AFF2: variants seen among roughly 807,000 people sequenced by gnomAD.
AFF2 encodes ALF transcription elongation factor 2.
AFF2 carries 14 observed loss-of-function variants against 76.9 expected under a neutral mutation model. The observed-to-expected ratio is 0.18, with a 90% CI of 0.12 to 0.28. AFF2 has a LOEUF of 0.28. Among genes scored for constraint, AFF2 ranks in the 10% least tolerant of loss-of-function variants. AFF2 has a pLI of 1.00. For synonymous variants in AFF2, 398 were observed against 366.7 expected (o/e 1.09, Z -0.98); for missense variants, 868 against 1,001.1 (o/e 0.87, Z 1.79).
intron 3 of AFF2, among the ~76,000 whole-genome samples, chrX:148,796,631 C>G (rs1352845050): frequency 4.5e-5 from 5 of 112,066 alleles, no homozygotes; most frequent in African/African-American, 1.6e-4. Flanking sequence ...ACCTTTGAGG[C>G]TGTGGGTTGG....
intron 18 of AFF2, 135 bp from the exon 19 acceptor site, chrX:148,980,603 A>C: frequency 2.4e-6 from 1 of 417,698 alleles, no homozygotes; most frequent in Non-Finnish European, 4.2e-6. Flanking sequence ...TGACGTGCAC[A>C]TACATCCCAG....
In AFF2 at chrX:148,998,520, G is replaced by C. The variant is rs1455916757; in HGVS notation, c.*7188G>C. ...AAATATTAGTCTGTTGAATTCATTT[G>C]TCCAATTGTATAACTTTGTGGAGCA... On this transcript the variant is annotated 3_prime_UTR_variant, in exon 21 of 21. Transcript: ENST00000370460. The C allele has an allele frequency of 8.9e-6, 1 of 111,963 alleles. No individual in the cohort carries two copies. Among genetic ancestry groups the C allele is most frequent in the Non-Finnish European group, 1.9e-5 (1 of 53,135 alleles). 9.2% of individuals were successfully genotyped at this position (111,963 alleles called of 1,213,427 possible).
Position 148,999,945 on chromosome X carries a change from G to A in AFF2, c.*8613G>A, listed in dbSNP as rs2072656637. ...AACTGGAGAACATGAGCTGAGTTGA[G>A]CCCTCAGTGTTGAAGTTGACTTGCT... On this transcript the variant is annotated 3_prime_UTR_variant, in exon 21 of 21. Transcript: ENST00000370460. 1 of 111,562 alleles carries A rather than the reference G, an allele frequency of 9.0e-6. No individual in the cohort carries two copies. 9.2% of individuals were successfully genotyped at this position (111,562 alleles called of 1,213,427 possible).
intron 4 of AFF2, among the ~76,000 whole-genome samples, chrX:148,836,820 C>T (rs1458652539): frequency 8.9e-6 from 1 of 111,766 alleles, no homozygotes; most frequent in Non-Finnish European, 1.9e-5. Flanking sequence ...GAGGGTGTCC[C>T]TGCTGATAAC....
intron 3 of AFF2, among the ~76,000 whole-genome samples, chrX:148,701,012 A>ATGTGTGTGTG (rs10675200): frequency 0.016 from 1,167 of 73,666 alleles, 11 homozygotes; most frequent in Middle Eastern, 0.032. Context: ...GAGAGAGAGA[A>ATGTGTGTGTG]TGTGTGTGTG....
chrX:148,722,319 T>C (rs1289165249), intron 3 of AFF2, among the ~76,000 whole-genome samples: 2 of 111,151 alleles, frequency 1.8e-5, no homozygotes, highest in Non-Finnish European at 3.8e-5. Flanking sequence ...GTGGGTAGAG[T>C]TGCTGAGAAG....
At chrX:148,776,420 T>C (rs782567488) in intron 3 of AFF2, among the ~76,000 whole-genome samples, 96 of 112,160 alleles carry the variant, frequency 8.6e-4, no homozygotes, top group African/African-American at 2.9e-3. Flanking sequence ...TTCTAGATCC[T>C]TGAGGAATCG....
intron 1 of AFF2, among the ~76,000 whole-genome samples, chrX:148,553,139 TG>T (rs1197160736): frequency 1.8e-5 from 2 of 112,087 alleles, no homozygotes; most frequent in Non-Finnish European, 3.8e-5. Context: ...TAAATTGAAC[TG>T]TAACTAATAC....
At chrX:148,554,189 T>C (rs1460144826) in intron 1 of AFF2, among the ~76,000 whole-genome samples, 1 of 112,647 alleles carries the variant, frequency 8.9e-6, no homozygotes, top group African/African-American at 3.2e-5. Context: ...TATTAAACAT[T>C]TGTTGCAATG....
At chrX:148,596,294 C>G (rs1371073537) in intron 1 of AFF2, among the ~76,000 whole-genome samples, 4 of 111,743 alleles carry the variant, frequency 3.6e-5, no homozygotes, top group Non-Finnish European at 5.6e-5. Flanking sequence ...GAAAAACAAT[C>G]AAACACCAAT....
intron 9 of AFF2, among the ~76,000 whole-genome samples, chrX:148,935,266 C>T (rs2071760578): frequency 9.1e-6 from 1 of 110,284 alleles, no homozygotes; most frequent in South Asian, 3.9e-4. Flanking sequence ...AGGTCTTACA[C>T]TCAAGCGTTA....
At chrX:148,729,033 GTATTCC>G (rs1454643549) in intron 3 of AFF2, among the ~76,000 whole-genome samples, 1 of 112,195 alleles carries the variant, frequency 8.9e-6, no homozygotes, top group African/African-American at 3.2e-5. Flanking sequence ...ACGTAGTTGT[GTATTCC>G]CTGTGTTCTG....
At chrX:148,897,260 T>TCC (rs1557280433) in intron 8 of AFF2, among the ~76,000 whole-genome samples, 1 of 42,016 alleles carries the variant, frequency 2.4e-5, no homozygotes, top group Non-Finnish European at 4.0e-5. Flanking sequence ...TATATATATA[T>TCC]ATATATATAT....
intron 3 of AFF2, among the ~76,000 whole-genome samples, chrX:148,713,532 A>G (rs1359861584): frequency 8.9e-6 from 1 of 112,155 alleles, no homozygotes; most frequent in Non-Finnish European, 1.9e-5. Flanking sequence ...AATTTTACAG[A>G]AAATACCTTC....
At chrX:148,567,277 G>C (rs2053179759) in intron 1 of AFF2, among the ~76,000 whole-genome samples, 1 of 111,554 alleles carries the variant, frequency 9.0e-6, no homozygotes, top group Non-Finnish European at 1.9e-5. Flanking sequence ...TTATGTGATG[G>C]AGGGCAATTC....
At chrX:148,765,322 CA>C (rs1249337477) in intron 3 of AFF2, among the ~76,000 whole-genome samples, 8 of 111,704 alleles carry the variant, frequency 7.2e-5, no homozygotes, top group African/African-American at 2.6e-4. Context: ...ACTAAATCTC[CA>C]GGGGCTCTTG....
rs1195284007 is a variant in AFF2, at chrX:148,992,993, T to G, written c.*1661T>G. The G allele has an allele frequency of 8.9e-6, 1 of 112,883 alleles. No individual in the cohort carries two copies. Among genetic ancestry groups the G allele is most frequent in the Non-Finnish European group, 1.9e-5 (1 of 53,363 alleles). The allele number at this position is 112,883 out of a possible 1,213,427, so 9.3% of individuals were successfully genotyped here. The stretch of plus-strand genomic sequence containing the variant: ...CTTGTGTGATTATTAAAGCCAGCCA[T>G]GCAGGTCCATGATAGAAACAGCAGG... On this transcript the variant is annotated 3_prime_UTR_variant, in exon 21 of 21. Transcript: ENST00000370460.
At chrX:148,539,040 G>A (rs1023002959) in intron 1 of AFF2, among the ~76,000 whole-genome samples, 14 of 111,557 alleles carry the variant, frequency 1.3e-4, no homozygotes, top group African/African-American at 4.6e-4. Flanking sequence ...CAGATAAGCA[G>A]ACAGGCTCTG....
intron 9 of AFF2, among the ~76,000 whole-genome samples, chrX:148,935,675 A>G (rs2071766825): frequency 9.0e-6 from 1 of 111,589 alleles, no homozygotes; most frequent in Admixed American, 9.6e-5. Context: ...TGGAATAAGC[A>G]CAGCTCTCCA....
Sources: allele counts gnomAD v4.1 joint callset (sites outside exome capture counted in the v4.1 genomes callset), GRCh38; gene constraint gnomAD v4.1.1; transcripts MANE v1.5; gene names NCBI Gene and HGNC (gene_info 2026-07-23, HGNC 2026-07-21).